The following DIPK1A variants were observed in gnomAD, a reference collection of about 807,000 sequenced individuals.
The protein encoded by DIPK1A is divergent protein kinase domain 1A.
A neutral mutation model predicts 40.8 loss-of-function variants in DIPK1A; 27 were observed. The ratio of observed to expected loss-of-function variants is 0.66; its 90% CI spans 0.49 to 0.91. DIPK1A has a LOEUF of 0.91. Among genes scored for constraint, DIPK1A ranks in the 40% least tolerant of loss-of-function variants. DIPK1A has a pLI of 0.00. For synonymous variants in DIPK1A, 166 were observed against 171.3 expected, an observed-to-expected ratio of 0.97 and a Z score of 0.24; for missense variants, 412 against 505.7, an observed-to-expected ratio of 0.81 and a Z score of 1.78.
Position 92,843,842 on chromosome 1 carries a change from T to C in DIPK1A, c.828A>G (p.Leu276=). The change falls in exon 5 of 5, where the codon CTA becomes CTG. Residue 276 remains leucine (L), a synonymous_variant. Coordinates refer to ENST00000370310, the MANE Select transcript of DIPK1A (RefSeq NM_001006605.5). Reference sequence around the variant, plus strand: ...CATGGAAAACATCTTCCACAAATTCTAGAAGTCCTATGGCTATTTTGGCCT... The same window carrying C: ...CATGGAAAACATCTTCCACAAATTCCAGAAGTCCTATGGCTATTTTGGCCT... ...PRKAKIAIGL[L]EFVEDVFHGP... 2 of 1,551,810 alleles carry C rather than the reference T, an allele frequency of 1.3e-6. No homozygotes were observed. The highest frequency in any genetic ancestry group is 1.7e-6 in the Non-Finnish European group (2 of 1,147,012).
chr1:92,866,949 A>T (rs1647573332), intron 2 of DIPK1A, among the ~76,000 whole-genome samples: 1 of 152,172 alleles, frequency 6.6e-6, no homozygotes, highest in South Asian at 2.1e-4. Context: ...GATACACCTG[A>T]TTAAATAATG....
chr1:92,877,433 T>C (rs1648179437), intron 1 of DIPK1A, among the ~76,000 whole-genome samples: 1 of 152,108 alleles, frequency 6.6e-6, no homozygotes, highest in Non-Finnish European at 1.5e-5. Flanking sequence ...CTGGGAACAG[T>C]AGGATATTGT....
At chr1:92,910,645 G>T (rs895977229) in intron 1 of DIPK1A, among the ~76,000 whole-genome samples, 1 of 151,526 alleles carries the variant, frequency 6.6e-6, no homozygotes, top group African/African-American at 2.4e-5. Context: ...ATATGCTATA[G>T]TTCTTAAAAA....
intron 2 of DIPK1A, among the ~76,000 whole-genome samples, chr1:92,870,999 C>A (rs1344223492): frequency 6.6e-6 from 1 of 152,148 alleles, no homozygotes; most frequent in African/African-American, 2.4e-5. Flanking sequence ...TCCCAAGAGC[C>A]GAATTTAATC....
chr1:92,936,885 C>G (rs1417781826), intron 1 of DIPK1A, among the ~76,000 whole-genome samples: 66 of 152,130 alleles, frequency 4.3e-4, no homozygotes. Flanking sequence ...TTTTGCTTTT[C>G]TACTACTTGA....
chr1:92,839,264 CAGA>C (rs1327831666), downstream of DIPK1A, among the ~76,000 whole-genome samples: 1 of 152,116 alleles, frequency 6.6e-6, no homozygotes, highest in East Asian at 1.9e-4. Flanking sequence ...GAGGCTGAGG[CAGA>C]AGAATTGCTT....
At chr1:92,959,280 G>T (rs1341105833) in intron 1 of DIPK1A, among the ~76,000 whole-genome samples, 2 of 151,884 alleles carry the variant, frequency 1.3e-5, no homozygotes, top group East Asian at 3.9e-4. Context: ...AAGGAGACCC[G>T]TCTCTAAATA....
At chr1:92,846,847 G>GTATA (rs1204178725) in intron 4 of DIPK1A, among the ~76,000 whole-genome samples, 32 of 350 alleles carry the variant, frequency 0.091, 8 homozygotes, top group African/African-American at 0.3. Context: ...ATATATGTGT[G>GTATA]TATATATATA....
chr1:92,908,448 A>G (rs1407755357), intron 1 of DIPK1A, among the ~76,000 whole-genome samples: 1 of 152,200 alleles, frequency 6.6e-6, no homozygotes, highest in East Asian at 1.9e-4. Flanking sequence ...TTGAGAAGAG[A>G]GTGGTCAATG....
chr1:92,953,772 C>T (rs1165653747), intron 1 of DIPK1A, among the ~76,000 whole-genome samples: 3 of 152,152 alleles, frequency 2.0e-5, no homozygotes, highest in Non-Finnish European at 2.9e-5. Flanking sequence ...GGTAGAGTTT[C>T]GACTTTGCAG....
At chr1:92,876,916 A>C in intron 1 of DIPK1A, 2 of 909,222 alleles carry the variant, frequency 2.2e-6, no homozygotes, top group Non-Finnish European at 2.6e-6. Flanking sequence ...AACCAGAACA[A>C]GAAATTAAGC....
intron 1 of DIPK1A, among the ~76,000 whole-genome samples, chr1:92,899,288 C>G (rs1649312910): frequency 6.6e-6 from 1 of 152,190 alleles, no homozygotes; most frequent in South Asian, 2.1e-4. Context: ...ATCCCTTTAA[C>G]ATTATGTAAT....
At chr1:92,905,673 G>T (rs1649593938) in intron 1 of DIPK1A, among the ~76,000 whole-genome samples, 1 of 151,886 alleles carries the variant, frequency 6.6e-6, no homozygotes, top group East Asian at 1.9e-4. Flanking sequence ...TGTACTTTAG[G>T]GTATTAATCA....
chr1:92,845,541 GAAA>G (rs545634818), intron 4 of DIPK1A: 88 of 226,738 alleles, frequency 3.9e-4, no homozygotes, highest in Admixed American at 8.0e-4. Context: ...CGTCTCTGCT[GAAA>G]AAAAAAAAAA....
chr1:92,921,956 T>A lies in DIPK1A; in HGVS notation c.54+39420A>T, dbSNP rs183142074. ...AGACCTCACATTTATTTATTTATTTTTTTTTCCTGGTAGAGCAGTCACAAA... is the reference window on the plus strand; with the variant it reads ...AGACCTCACATTTATTTATTTATTTATTTTTCCTGGTAGAGCAGTCACAAA... On this transcript the variant is annotated intron_variant, in intron 1 of 4. Coordinates refer to ENST00000370310, the MANE Select transcript of DIPK1A (RefSeq NM_001006605.5). Among the ~76,000 whole-genome samples, 805 of 152,138 alleles carry A rather than the reference T, an allele frequency of 5.3e-3. 6 individuals are homozygous for A. Among genetic ancestry groups the A allele is most frequent in the African/African-American group, 0.016 (681 of 41,424 alleles).
At chr1:92,938,468 T>TAAAAAA (rs71094215) in intron 1 of DIPK1A, among the ~76,000 whole-genome samples, 1 of 98,604 alleles carries the variant, frequency 1.0e-5, no homozygotes. Context: ...AGACCTTTAC[T>TAAAAAA]AAAAAAAAAA....
intron 4 of DIPK1A, chr1:92,833,686 T>A: frequency 6.5e-7 from 1 of 1,548,478 alleles, no homozygotes; most frequent in Non-Finnish European, 8.9e-7. Flanking sequence ...GACAGTCCCC[T>A]TTTTTTATTG....
chr1:92,919,488 GGA>G (rs1180112355), intron 1 of DIPK1A, among the ~76,000 whole-genome samples: 1 of 152,096 alleles, frequency 6.6e-6, no homozygotes, highest in East Asian at 1.9e-4. Context: ...ACCTGAGCAT[GGA>G]GAGTGTCTTT....
intron 2 of DIPK1A, among the ~76,000 whole-genome samples, chr1:92,852,566 T>C (rs1168065170): frequency 1.3e-5 from 2 of 152,124 alleles, no homozygotes; most frequent in Non-Finnish European, 2.9e-5. Context: ...TTGTTATGAA[T>C]TTAAAGGACT....
Sources: gnomAD v4.1 joint callset for allele counts (sites outside exome capture counted in the v4.1 genomes callset) on GRCh38, gnomAD v4.1.1 for gene constraint, MANE v1.5 for transcripts, NCBI Gene and HGNC (gene_info 2026-07-23, HGNC 2026-07-21) for gene names.